C4orf54: variants seen among roughly 807,000 people sequenced by gnomAD.
C4orf54 encodes chromosome 4 open reading frame 54, also known as uncharacterized protein C4orf54.
Under a neutral mutation model 80.1 loss-of-function variants are expected in C4orf54, and 67 were observed. That is an observed-to-expected ratio of 0.84 (90% CI 0.69 to 1.03). The LOEUF (loss-of-function observed/expected upper bound fraction) is 1.03, where lower values mean the gene tolerates loss of function less well. C4orf54 is among the 50% of genes least tolerant of loss of function. The pLI is 0.00. For synonymous variants in C4orf54, 1,000 were observed against 917.0 expected (o/e 1.09, Z -1.64); for missense variants, 2,434 against 2,253.5 (o/e 1.08, Z -1.62).
At position 99,637,154 on chromosome 4, in the gene C4orf54, A is replaced by G. The variant is rs557912003; in HGVS notation, c.*4079T>C. The G allele has an allele frequency of 1.3e-5, 2 of 152,308 alleles. No individual in the cohort carries two copies. The highest frequency in any genetic ancestry group is 1.9e-4 in the East Asian group (1 of 5,186). 9.4% of individuals were successfully genotyped at this position (152,308 alleles called of 1,614,324 possible). On this transcript the variant is annotated 3_prime_UTR_variant, in exon 3 of 3. Transcript: ENST00000511828. ...CTGGAAAGGACTTTTTGCCATTAAC[A>G]CTAGCCATAAAAAGCAATTATGAAA... is the stretch of plus-strand genomic sequence containing the variant.
rs1726947103 is a variant in C4orf54 at position 99,654,525 on chromosome 4, G to C, written c.124C>G (p.Leu42Val). Residue 42 changes from leucine (L) to valine (V), a missense_variant, in exon 2 of 3, where the codon CTC becomes GTC. Transcript: ENST00000511828. ...ACTGTGGCCAGTGTTCTGTAGCTGA[G>C]CTGTCCTGTCCAGTTGTTTGCCTGG... ...RCQANNWTGQLSYRTLATVSA... is the reference protein window; with the variant it reads ...RCQANNWTGQVSYRTLATVSA... 1.4e-6 allele frequency: 1 copy of C among 703,278 alleles called. No individual in the cohort carries two copies. Among genetic ancestry groups the C allele is most frequent in the African/African-American group, 1.7e-5 (1 of 57,258 alleles). The allele number at this position is 703,278 out of a possible 1,614,324, so 43.6% of individuals were successfully genotyped here.
At chr4:99,647,079 C>A (rs575878737) in intron 2 of C4orf54, among the ~76,000 whole-genome samples, 1 of 152,152 alleles carries the variant, frequency 6.6e-6, no homozygotes. Context: ...AAATGAAGGT[C>A]GTGCTTTCAA....
chr4:99,639,504 G>A lies in C4orf54; in HGVS notation c.*1729C>T, dbSNP rs1726568614. On this transcript the variant is annotated 3_prime_UTR_variant, in exon 3 of 3. Transcript: ENST00000511828. ...ATCTTTTTCTTGAATTTGGCACAAG[G>A]GCATCTTTTTTATACACAGAGACTA... 1 of 151,956 alleles carries A rather than the reference G, an allele frequency of 6.6e-6. No homozygotes were observed. The highest frequency in any genetic ancestry group is 2.4e-5 in the African/African-American group (1 of 41,402). 9.4% of individuals were successfully genotyped at this position (151,956 alleles called of 1,614,324 possible). A position where few individuals can be genotyped will look rare whatever the true frequency, so the allele number is the denominator to read the frequency against.
chr4:99,652,355 G>T lies in C4orf54; in HGVS notation c.2294C>A (p.Ala765Asp). Residue 765 changes from alanine (A) to aspartate (D), a missense_variant, in exon 2 of 3, where the codon GCC becomes GAC. Transcript: ENST00000511828. ...NVRSESKASS[A>D]PGPGRATKGP... ...TTTGGTGGCCCTGCCGGGCCCAGGG[G>T]CCGAGCTGGCTTTGCTCTCACTGCG... is the stretch of plus-strand genomic sequence containing the variant. The T allele has an allele frequency of 6.5e-7, 1 of 1,536,110 alleles. No homozygotes were observed. Among genetic ancestry groups the T allele is most frequent in the Non-Finnish European group, 8.7e-7 (1 of 1,146,888 alleles).
intron 1 of C4orf54, among the ~76,000 whole-genome samples, chr4:99,655,519 C>T (rs1451102527): frequency 6.6e-6 from 1 of 152,202 alleles, no homozygotes; most frequent in Non-Finnish European, 1.5e-5. Flanking sequence ...ATACACTTAC[C>T]CTTCAAGAGT....
At position 99,652,860 on chromosome 4, in the gene C4orf54, T is replaced by C; in HGVS notation, c.1789A>G (p.Ile597Val). ...TAGTCCACCAGCTCCTTCGCCCGGA[T>C]GGCCCCGCACCTGGTTTGCAGGCGA... The part of the protein sequence containing the change: ...PARLQTRCGA[I>V]RAKELVDYSS... The change falls in exon 2 of 3, where the codon ATC becomes GTC. Residue 597 changes from isoleucine (I) to valine (V), a missense_variant. Coordinates refer to ENST00000511828, the MANE Select transcript of C4orf54 (RefSeq NM_001354435.2). 2 of 1,536,104 alleles carry C rather than the reference T, an allele frequency of 1.3e-6. No individual in the cohort carries two copies. The highest frequency in any genetic ancestry group is 2.4e-5 in the East Asian group (1 of 40,896).
In C4orf54 at chr4:99,651,742, T is replaced by C; in HGVS notation, c.2907A>G (p.Gly969=). ...APIGKLKLPK[G]GDWRADLGEI... is the part of the protein sequence containing the mutation. Reference sequence around the variant, plus strand: ...CCCCGAGATCAGCCCGCCAGTCGCCTCCTTTGGGCAGCTTCAGCTTCCCTA... The same window carrying C: ...CCCCGAGATCAGCCCGCCAGTCGCCCCCTTTGGGCAGCTTCAGCTTCCCTA... Residue 969 remains glycine (G), a synonymous_variant, in exon 2 of 3, where the codon GGA becomes GGG. Coordinates refer to ENST00000511828, the MANE Select transcript of C4orf54 (RefSeq NM_001354435.2). 1.3e-6 allele frequency: 2 copies of C among 1,536,052 alleles called. No homozygotes were observed. The highest frequency in any genetic ancestry group is 1.7e-6 in the Non-Finnish European group (2 of 1,146,876).
At chr4:99,643,651 CAT>C (rs1037343053) in intron 2 of C4orf54, among the ~76,000 whole-genome samples, 3 of 151,702 alleles carry the variant, frequency 2.0e-5, no homozygotes, top group African/African-American at 7.3e-5. Context: ...GAAAAACACA[CAT>C]AGAGTTTTAG....
intron 2 of C4orf54, among the ~76,000 whole-genome samples, chr4:99,643,657 G>A (rs1383674783): frequency 6.6e-6 from 1 of 151,278 alleles, no homozygotes; most frequent in African/African-American, 2.4e-5. Context: ...CACACATAGA[G>A]TTTTAGTATA....
rs891075198 is a variant in C4orf54, at chr4:99,651,974, C to T, written c.2675G>A (p.Gly892Asp). ...GGCTTTGAAGACTGGAGATTTGGAG[C>T]CCGCCACGGACCCCTCCCCGCCCGC... ...SDAGGEGSVA[G>D]SKSPVFKAST... is the part of the protein sequence containing the mutation. The change falls in exon 2 of 3, where the codon GGC becomes GAC. Residue 892 changes from glycine to aspartate, a missense_variant. Transcript: ENST00000511828. 3.9e-6 allele frequency: 6 copies of T among 1,536,146 alleles called. No individual in the cohort carries two copies. The highest frequency in any genetic ancestry group is 4.4e-6 in the Non-Finnish European group (5 of 1,146,926).
chr4:99,648,133 C>T (rs1726731610), intron 2 of C4orf54, among the ~76,000 whole-genome samples: 1 of 150,162 alleles, frequency 6.7e-6, no homozygotes. Context: ...TTTTCCCAAT[C>T]TGAAGAGAAC....
At position 99,648,554 on chromosome 4, in the gene C4orf54, AGTGT is replaced by A. The variant is rs60651888; in HGVS notation, c.*36+673_*36+676del. Among the ~76,000 whole-genome samples the A allele has an allele frequency of 2.1e-3, 301 of 145,818 alleles. 1 individual carries two copies. The highest frequency in any genetic ancestry group is 4.0e-3 in the African/African-American group (157 of 39,280). On this transcript the variant is annotated intron_variant, in intron 2 of 2. Coordinates refer to ENST00000511828, the MANE Select transcript of C4orf54 (RefSeq NM_001354435.2). The stretch of plus-strand genomic sequence containing the variant: ...ATCCTCCCTCCCCCATAGAGAACAA[AGTGT>A]GTGTGTGTGTGTGTGTGTGTGTGTG...
chr4:99,657,705 C>T lies in C4orf54; in HGVS notation c.-242G>A, dbSNP rs956980634. Among the ~76,000 whole-genome samples the T allele has an allele frequency of 5.9e-5, 9 of 152,088 alleles. No individual in the cohort carries two copies. The highest frequency in any genetic ancestry group is 1.9e-4 in the East Asian group (1 of 5,202). ...AAAAAACAACTGATAAATAGAAAAACGATAAAGGCTAAAGTAAAACAATTA... is the reference window on the plus strand; with the variant it reads ...AAAAAACAACTGATAAATAGAAAAATGATAAAGGCTAAAGTAAAACAATTA... On this transcript the variant is annotated 5_prime_UTR_variant, in exon 1 of 3. Coordinates refer to ENST00000511828, the MANE Select transcript of C4orf54 (RefSeq NM_001354435.2).
At position 99,651,219 on chromosome 4, in the gene C4orf54, C is replaced by T. The variant is rs1411057577; in HGVS notation, c.3430G>A (p.Gly1144Arg). The T allele has an allele frequency of 3.3e-6, 5 of 1,536,028 alleles. No individual in the cohort carries two copies. Among genetic ancestry groups the T allele is most frequent in the Non-Finnish European group, 3.5e-6 (4 of 1,146,916 alleles). Residue 1144 changes from glycine to arginine, a missense_variant, in exon 2 of 3, where the codon GGA becomes AGA. Transcript: ENST00000511828. ...ACCATGGGGGACAGGGATCCAGATC[C>T]GCCAGCTGCTGCAGACAGCTGCCTG... is the stretch of plus-strand genomic sequence containing the variant. ...KPRQLSAAAG[G>R]SGSLSPMVIT... is the part of the protein sequence containing the mutation.
Position 99,652,714 on chromosome 4 carries a change from G to A in C4orf54, c.1935C>T (p.Ser645=), listed in dbSNP as rs559822157. The change falls in exon 2 of 3, where the codon AGC becomes AGT. Residue 645 remains serine (S), a synonymous_variant. Coordinates refer to ENST00000511828, the MANE Select transcript of C4orf54 (RefSeq NM_001354435.2). The part of the protein sequence containing the change: ...AYPYFEALNI[S]SRESSTTLSE... Reference sequence around the variant, plus strand: ...AGAGCGTGGTGGAGGACTCCCGGGAGCTGATGTTCAGAGCCTCAAAGTAGG... The same window carrying A: ...AGAGCGTGGTGGAGGACTCCCGGGAACTGATGTTCAGAGCCTCAAAGTAGG... 51 of 1,536,118 alleles carry A rather than the reference G, an allele frequency of 3.3e-5. No individual in the cohort carries two copies. In the South Asian group the frequency reaches 5.9e-4, roughly 18 times the overall value.
chr4:99,653,665 T>C lies in C4orf54; in HGVS notation c.984A>G (p.Gly328=), dbSNP rs1281977200. 6.6e-6 allele frequency: 10 copies of C among 1,507,328 alleles called. No individual in the cohort carries two copies. Among genetic ancestry groups the C allele is most frequent in the Non-Finnish European group, 8.9e-6 (10 of 1,128,010 alleles). The allele number at this position is 1,507,328 out of a possible 1,614,324, so 93.4% of individuals were successfully genotyped here. A position where few individuals can be genotyped will look rare whatever the true frequency, so the allele number is the denominator to read the frequency against. ...VGGEGEKISG[G]GGGGKGGGGG... The stretch of plus-strand genomic sequence containing the variant: ...CCCCTCCTCCTTTTCCTCCTCCCCC[T>C]CCTCCTGATATTTTCTCTCCTTCTC... The change falls in exon 2 of 3, where the codon GGA becomes GGG. Residue 328 remains glycine, a synonymous_variant. Transcript: ENST00000511828.
At chr4:99,642,125 C>G (rs1004430574) in intron 2 of C4orf54, among the ~76,000 whole-genome samples, 4 of 152,028 alleles carry the variant, frequency 2.6e-5, no homozygotes, top group Non-Finnish European at 5.9e-5. Flanking sequence ...TTGTGTTGTA[C>G]TTTATATTGA....
At position 99,652,390 on chromosome 4, in the gene C4orf54, G is replaced by A; in HGVS notation, c.2259C>T (p.Pro753=). The change falls in exon 2 of 3, where the codon CCC becomes CCT. Residue 753 remains proline (P), a synonymous_variant. Transcript: ENST00000511828. Reference sequence around the variant, plus strand: ...CTTTGCTCTCACTGCGTACATTCAGGGGCTCCAAAAGGGTGACGACGCGGG... The same window carrying A: ...CTTTGCTCTCACTGCGTACATTCAGAGGCTCCAAAAGGGTGACGACGCGGG... The part of the protein sequence containing the change: ...TGSRVVTLLE[P]LNVRSESKAS... 1 of 1,536,096 alleles carries A rather than the reference G, an allele frequency of 6.5e-7. No homozygotes were observed. Among genetic ancestry groups the A allele is most frequent in the Non-Finnish European group, 8.7e-7 (1 of 1,146,896 alleles).
Position 99,653,354 on chromosome 4 carries a change from T to A in C4orf54, c.1295A>T (p.Tyr432Phe), listed in dbSNP as rs767562519. ...GTTGGTGCTGGGAGTGGTGCTGAGGTAGCAGCTGTTGTCGTCGTCCTCTTC... is the reference window on the plus strand; with the variant it reads ...GTTGGTGCTGGGAGTGGTGCTGAGGAAGCAGCTGTTGTCGTCGTCCTCTTC... ...LTEEDDDNSC[Y>F]LSTTPSTNTT... Residue 432 changes from tyrosine to phenylalanine, a missense_variant, in exon 2 of 3, where the codon TAC becomes TTC. Transcript: ENST00000511828. The A allele has an allele frequency of 6.5e-7, 1 of 1,535,854 alleles. No homozygotes were observed. Among genetic ancestry groups the A allele is most frequent in the East Asian group, 2.4e-5 (1 of 40,902 alleles).
Sources: gnomAD v4.1 joint callset for allele counts (sites outside exome capture counted in the v4.1 genomes callset) on GRCh38, gnomAD v4.1.1 for gene constraint, MANE v1.5 for transcripts, NCBI Gene and HGNC (gene_info 2026-07-23, HGNC 2026-07-21) for gene names.